LYST: variants seen among roughly 807,000 people sequenced by gnomAD.
The protein encoded by LYST is lysosomal trafficking regulator, also known as lysosomal-trafficking regulator.
LYST carries 192 observed loss-of-function variants against 413.6 expected under a neutral mutation model. The observed-to-expected ratio is 0.46, with a 90% CI of 0.41 to 0.52. LYST has a LOEUF of 0.52. LYST is among the 20% of genes least tolerant of loss of function. The probability of loss-of-function intolerance (pLI) is 0.00; values close to 1 mark genes in which losing one functional copy is unlikely to be tolerated. For missense variants in LYST, 3,815 were observed against 4,499.9 expected, an observed-to-expected ratio of 0.85 and a Z score of 4.35; for synonymous variants, 1,525 against 1,567.3, an observed-to-expected ratio of 0.97 and a Z score of 0.64.
chr1:235,821,871 A>G (rs1014343938), intron 3 of LYST, among the ~76,000 whole-genome samples: 6 of 152,204 alleles, frequency 3.9e-5, no homozygotes, highest in African/African-American at 1.2e-4. Flanking sequence ...AATGGCCATA[A>G]TACTCTTTGT....
intron 52 of LYST, 103 bp downstream of exon 52, chr1:235,663,881 C>T: frequency 9.7e-7 from 1 of 1,031,540 alleles, no homozygotes; most frequent in East Asian, 2.4e-5. Context: ...TTCATGATGA[C>T]TTCAATTGCA....
intron 14 of LYST, among the ~76,000 whole-genome samples, chr1:235,784,314 T>C (rs952239016): frequency 7.2e-5 from 11 of 152,176 alleles, no homozygotes; most frequent in Non-Finnish European, 1.3e-4. Flanking sequence ...GGCAAACAAT[T>C]CTCTCAAAGG....
intron 37 of LYST, among the ~76,000 whole-genome samples, chr1:235,728,902 G>C: frequency 6.6e-6 from 1 of 152,104 alleles, no homozygotes; most frequent in Middle Eastern, 3.4e-3. Context: ...ATCACTGGAG[G>C]GCTCATCAGA....
chr1:235,813,332 G>A lies in LYST; in HGVS notation c.193-271C>T, dbSNP rs76141810. 4.7e-3 allele frequency among the ~76,000 whole-genome samples: 720 copies of A among 152,242 alleles called. 7 individuals are homozygous for A. Among genetic ancestry groups the A allele is most frequent in the African/African-American group, 0.016 (669 of 41,532 alleles). On this transcript the variant is annotated intron_variant, in intron 3 of 52. Coordinates refer to ENST00000389793, the MANE Select transcript of LYST (RefSeq NM_000081.4). ...CAAAAATAGCTGTTATTACCACCAT[G>A]CACATTGCAAGAATTCCTTACCTAT...
chr1:235,773,738 C>T, intron 19 of LYST, 104 bp downstream of exon 19: 1 of 889,870 alleles, frequency 1.1e-6, no homozygotes, highest in Non-Finnish European at 1.8e-6. Flanking sequence ...TGTAAATGCA[C>T]TTAATGCCAC....
At chr1:235,772,980 A>G (rs1022756048) in intron 19 of LYST, among the ~76,000 whole-genome samples, 2 of 152,244 alleles carry the variant, frequency 1.3e-5, no homozygotes, top group African/African-American at 4.8e-5. Flanking sequence ...ATGAAGTAAT[A>G]AATTAATTAT....
In LYST at chr1:235,715,209, G is replaced by A. The variant is rs150488664; in HGVS notation, c.9776C>T (p.Ala3259Val). The A allele has an allele frequency of 8.1e-6, 13 of 1,613,622 alleles. No individual in the cohort carries two copies. The highest frequency in any genetic ancestry group is 8.0e-5 in the African/African-American group (6 of 74,852). Residue 3259 changes from alanine (A) to valine (V), a missense_variant, in exon 42 of 53, where the codon GCC (alanine) becomes GTC (valine). Physicochemically the swap from Ala to Val is moderately conservative, Grantham distance 64 (BLOSUM62 0). Transcript: ENST00000389793. ...RMPPFTKMFLAYQDQSFDIPD... is the reference protein window; with the variant it reads ...RMPPFTKMFLVYQDQSFDIPD... ...AGTTATTAAATTCTTACCTTGATAG[G>A]CTAAAAACATTTTAGTGAAAGGAGG... is the stretch of plus-strand genomic sequence containing the variant.
In LYST at chr1:235,809,458, A is replaced by C; in HGVS notation, c.1360T>G (p.Trp454Gly). 6.2e-7 allele frequency: 1 copy of C among 1,614,040 alleles called. No individual in the cohort carries two copies. Among genetic ancestry groups the C allele is most frequent in the Non-Finnish European group, 8.5e-7 (1 of 1,179,978 alleles). The change falls in exon 5 of 53, where the codon TGG becomes GGG. Residue 454 changes from tryptophan (W) to glycine (G), a missense_variant. Trp to Gly is a radical substitution (Grantham distance 184, BLOSUM62 -2). Coordinates refer to ENST00000389793, the MANE Select transcript of LYST (RefSeq NM_000081.4). This position sits in a 1 kb window ranked among gnomAD's most constrained non-coding sequence, Gnocchi z 4.0. Reference protein sequence around the residue: ...LFETAVLQMEWLVLRDGVPPE... With the variant: ...LFETAVLQMEGLVLRDGVPPE... ...GGAACTCCATCTCTTAAAACCAGCC[A>C]TTCCATTTGAAGAACTGCTGTTTCA...
intron 10 of LYST, among the ~76,000 whole-genome samples, chr1:235,798,704 T>A (rs1572293681): frequency 6.7e-6 from 1 of 148,266 alleles, no homozygotes; most frequent in African/African-American, 2.5e-5. Context: ...ACAACATGAA[T>A]GAAGGTTGAA....
At chr1:235,743,778 G>A (rs907817043) in intron 30 of LYST, among the ~76,000 whole-genome samples, 4 of 152,188 alleles carry the variant, frequency 2.6e-5, no homozygotes, top group Non-Finnish European at 5.9e-5. Context: ...AAAAAGCAAT[G>A]CTTCATGAGT....
At chr1:235,804,753 G>A (rs985590514) in intron 6 of LYST, 88 bp from the exon 7 acceptor site, 1 of 806,334 alleles carries the variant, frequency 1.2e-6, no homozygotes. Context: ...ATTTACTTAA[G>A]TATAAAGCTA....
intron 16 of LYST, among the ~76,000 whole-genome samples, chr1:235,777,827 A>G (rs1299706041): frequency 6.6e-6 from 1 of 152,090 alleles, no homozygotes; most frequent in African/African-American, 2.4e-5. Flanking sequence ...AGAACTTCAA[A>G]TATTTCTCCC....
At chr1:235,680,442 TG>T (rs1334056690) in intron 48 of LYST, among the ~76,000 whole-genome samples, 1 of 151,322 alleles carries the variant, frequency 6.6e-6, no homozygotes, top group Admixed American at 6.6e-5. Flanking sequence ...TTTTTTTTTT[TG>T]TGGAGATAGG....
At chr1:235,762,937 AAAT>A in intron 21 of LYST, 86 bp from the exon 22 acceptor site, 1 of 991,106 alleles carries the variant, frequency 1.0e-6, no homozygotes, top group East Asian at 2.6e-5. Flanking sequence ...CATTAAATTC[AAAT>A]TTTGACAAAA....
intron 26 of LYST, 70 bp from the exon 27 acceptor site, chr1:235,752,241 T>C (rs947200142): frequency 2.6e-6 from 3 of 1,152,560 alleles, no homozygotes; most frequent in Non-Finnish European, 3.9e-6. Context: ...AAGACACAGC[T>C]AACTGATTTA....
At chr1:235,663,935 T>C in intron 52 of LYST, 49 bp downstream of exon 52, 1 of 1,443,332 alleles carries the variant, frequency 6.9e-7, no homozygotes, top group Non-Finnish European at 9.8e-7. Context: ...CTACGAAAAA[T>C]ACAATCACAA....
intron 22 of LYST, among the ~76,000 whole-genome samples, chr1:235,761,785 C>G (rs10926588): frequency 1.3e-5 from 2 of 150,398 alleles, no homozygotes; most frequent in African/African-American, 4.9e-5. Flanking sequence ...CAAAAAAAAA[C>G]CAGAAAGATG....
At chr1:235,698,658 T>A (rs1661293622) in intron 45 of LYST, among the ~76,000 whole-genome samples, 1 of 152,072 alleles carries the variant, frequency 6.6e-6, no homozygotes. Context: ...GATCATGAAG[T>A]CAGGAGATCA....
chr1:235,782,140 T>C (rs1398683886), intron 14 of LYST, 53 bp from the exon 15 acceptor site: 3 of 1,428,504 alleles, frequency 2.1e-6, no homozygotes, highest in African/African-American at 1.4e-5. Context: ...AGTCTAGTAC[T>C]AAGTATTTTT....
Sources: allele counts gnomAD v4.1 joint callset (sites outside exome capture counted in the v4.1 genomes callset), GRCh38; gene constraint gnomAD v4.1.1; non-coding constraint Gnocchi (gnomAD v3.1); transcripts MANE v1.5; gene names NCBI Gene and HGNC (gene_info 2026-07-23, HGNC 2026-07-21).